KLHDC1: variants seen among roughly 807,000 people sequenced by gnomAD.
KLHDC1 encodes the protein kelch domain-containing protein 1.
KLHDC1 carries 53 observed loss-of-function variants against 68.3 expected under a neutral mutation model. That is an observed-to-expected ratio of 0.78 (90% CI 0.62 to 0.98). The LOEUF is 0.98. KLHDC1 is among the 50% of genes least tolerant of loss of function. The probability of loss-of-function intolerance (pLI) is 0.00; values close to 1 mark genes in which losing one functional copy is unlikely to be tolerated. For missense variants in KLHDC1, 470 were observed against 492.3 expected, an observed-to-expected ratio of 0.95 and a Z score of 0.43; for synonymous variants, 148 against 159.0, an observed-to-expected ratio of 0.93 and a Z score of 0.52.
chr14:49,746,410 A>G (rs1424576991), intron 12 of KLHDC1, among the ~76,000 whole-genome samples: 1 of 152,052 alleles, frequency 6.6e-6, no homozygotes, highest in African/African-American at 2.4e-5. Context: ...TTTGAGGGGG[A>G]GGGAGAAGAA....
chr14:49,707,297 T>A (rs72678100), intron 1 of KLHDC1, among the ~76,000 whole-genome samples: 90,798 of 120,900 alleles, frequency 0.75, 35,100 homozygotes, highest in South Asian at 0.86. Flanking sequence ...TGTGTGTGTG[T>A]GAGAGAGAGA....
chr14:49,750,237 G>C (rs544711842), intron 12 of KLHDC1, among the ~76,000 whole-genome samples: 15 of 152,080 alleles, frequency 9.9e-5, no homozygotes, highest in Admixed American at 9.8e-4. Flanking sequence ...TGCCCCACTC[G>C]CGCTCTGCCC....
At chr14:49,699,113 G>A (rs554825393) in intron 1 of KLHDC1, among the ~76,000 whole-genome samples, 3 of 145,892 alleles carry the variant, frequency 2.1e-5, no homozygotes, top group East Asian at 2.0e-4. Context: ...GCAGTGAACC[G>A]AGATCGTGCC....
Position 49,725,556 on chromosome 14 carries a change from G to A in KLHDC1, c.484-130G>A, listed in dbSNP as rs1336635834. On this transcript the variant is annotated intron_variant, in intron 5 of 12. Coordinates refer to ENST00000359332, the MANE Select transcript of KLHDC1 (RefSeq NM_172193.3). The stretch of plus-strand genomic sequence containing the variant: ...AGGTACCCGTGTATCCGTTGGCTTT[G>A]TGACTATGGTAACACTTAACTCTAT... 1.7e-5 allele frequency: 10 copies of A among 596,866 alleles called. No homozygotes were observed. The African/African-American group carries it at 1.9e-4, about 11-fold the overall frequency. The allele number at this position is 596,866 out of a possible 1,614,324, so 37.0% of individuals were successfully genotyped here.
chr14:49,701,833 A>G (rs1199847548), intron 1 of KLHDC1, among the ~76,000 whole-genome samples: 2 of 152,142 alleles, frequency 1.3e-5, no homozygotes, highest in Admixed American at 1.3e-4. Flanking sequence ...CTGGAGTTCA[A>G]GACCAGCCTG....
intron 10 of KLHDC1, among the ~76,000 whole-genome samples, chr14:49,737,341 A>G (rs1888951936): frequency 6.6e-6 from 1 of 152,212 alleles, no homozygotes; most frequent in Non-Finnish European, 1.5e-5. Context: ...TGCATTTGTC[A>G]TTGAATGTGT....
At chr14:49,705,842 A>C (rs975758181) in intron 1 of KLHDC1, among the ~76,000 whole-genome samples, 1 of 152,008 alleles carries the variant, frequency 6.6e-6, no homozygotes, top group Admixed American at 6.6e-5. Flanking sequence ...TGATTGAAAA[A>C]TTTTTTTAAT....
chr14:49,713,817 TATATATATATATATATATATATATATA>T lies in KLHDC1; in HGVS notation c.404+3437_404+3463del, dbSNP rs1888279102. On this transcript the variant is annotated intron_variant, in intron 4 of 12. Coordinates refer to ENST00000359332, the MANE Select transcript of KLHDC1 (RefSeq NM_172193.3). ...CAGGAGGTATATATATATATATATATATATATATATATATATATATATATATATATATATTTTTTTTTTTTTTTTTCC... is the reference window on the plus strand; with the variant it reads ...CAGGAGGTATATATATATATATATATTATATATTTTTTTTTTTTTTTTTCC... Among the ~76,000 whole-genome samples the T allele has an allele frequency of 3.6e-3, 10 of 2,752 alleles. 1 individual carries two copies. Among genetic ancestry groups the T allele is most frequent in the Non-Finnish European group, 4.6e-3 (2 of 434 alleles). 1.8% of individuals were successfully genotyped at this position (2,752 alleles called of 152,430 possible).
intron 12 of KLHDC1, among the ~76,000 whole-genome samples, chr14:49,744,094 G>A (rs1889133455): frequency 6.8e-6 from 1 of 147,800 alleles, no homozygotes; most frequent in Non-Finnish European, 1.5e-5. Flanking sequence ...GACCAGTGTG[G>A]GTAACATTGT....
chr14:49,724,598 A>T (rs2139753107), intron 5 of KLHDC1, among the ~76,000 whole-genome samples: 1 of 152,156 alleles, frequency 6.6e-6, no homozygotes, highest in African/African-American at 2.4e-5. Context: ...ATTGCTTTGT[A>T]TATGGGTATT....
At chr14:49,715,651 G>C (rs1467323975) in intron 4 of KLHDC1, among the ~76,000 whole-genome samples, 20 of 148,246 alleles carry the variant, frequency 1.3e-4, no homozygotes, top group African/African-American at 4.9e-4. Flanking sequence ...AGGCTGAGGC[G>C]GGAGAATTGC....
intron 5 of KLHDC1, among the ~76,000 whole-genome samples, chr14:49,725,019 GT>G (rs1482440856): frequency 6.6e-6 from 1 of 151,908 alleles, no homozygotes; most frequent in East Asian, 1.9e-4. Flanking sequence ...TAAGTAAATT[GT>G]TTAGCTTATT....
chr14:49,734,512 C>G (rs1240627258), intron 9 of KLHDC1, 77 bp from the exon 10 acceptor site: 1 of 769,396 alleles, frequency 1.3e-6, no homozygotes, highest in Non-Finnish European at 2.1e-6. Flanking sequence ...TTAAATGTAG[C>G]ATGATAAATT....
chr14:49,741,833 G>T (rs4614646), intron 11 of KLHDC1, among the ~76,000 whole-genome samples: 4 of 152,090 alleles, frequency 2.6e-5, no homozygotes, highest in Admixed American at 1.3e-4. Flanking sequence ...AATGATTGAT[G>T]TGGTTTTGTG....
chr14:49,695,173 C>G (rs1291659470), intron 1 of KLHDC1, among the ~76,000 whole-genome samples: 1 of 150,722 alleles, frequency 6.6e-6, no homozygotes, highest in Admixed American at 6.6e-5. Context: ...CTCCTGCAAC[C>G]TCTGCCTCCC....
In KLHDC1 at chr14:49,693,263, C is replaced by G. The variant is rs765477815; in HGVS notation, c.69C>G (p.Asn23Lys). ...RSGHCAVVDG[N>K]FLYVWGGYVS... Reference sequence around the variant, plus strand: ...GCCACTGCGCCGTGGTGGACGGAAACTTCCTCTACGTGTGGGGGGGCTACG... The same window carrying G: ...GCCACTGCGCCGTGGTGGACGGAAAGTTCCTCTACGTGTGGGGGGGCTACG... Residue 23 changes from asparagine (N) to lysine (K), a missense_variant, in exon 1 of 13, where the codon AAC (asparagine) becomes AAG (lysine). Physicochemically the swap from Asn to Lys is moderately conservative, Grantham distance 94. Transcript: ENST00000359332. 1 of 1,565,546 alleles carries G rather than the reference C, an allele frequency of 6.4e-7. No individual in the cohort carries two copies. Among genetic ancestry groups the G allele is most frequent in the South Asian group, 1.2e-5 (1 of 86,680 alleles).
At chr14:49,730,255 G>C (rs1164781138) in intron 8 of KLHDC1, among the ~76,000 whole-genome samples, 15 of 127,674 alleles carry the variant, frequency 1.2e-4, no homozygotes, top group African/African-American at 4.3e-4. Flanking sequence ...ACAGAGTCTT[G>C]CTCTGTCACC....
At chr14:49,737,762 G>A (rs965392442) in intron 10 of KLHDC1, among the ~76,000 whole-genome samples, 5 of 150,874 alleles carry the variant, frequency 3.3e-5, no homozygotes, top group Non-Finnish European at 7.4e-5. Context: ...CTACTCAGGA[G>A]GCTGAGGTGG....
At chr14:49,740,210 C>A in intron 11 of KLHDC1, 28 bp downstream of exon 11, 1 of 1,347,942 alleles carries the variant, frequency 7.4e-7, no homozygotes, top group South Asian at 1.2e-5. Context: ...CTAAATATTT[C>A]CTCTGAGTAG....
Sources: allele counts gnomAD v4.1 joint callset (sites outside exome capture counted in the v4.1 genomes callset), GRCh38; gene constraint gnomAD v4.1.1; transcripts MANE v1.5; gene names NCBI Gene and HGNC (gene_info 2026-07-23, HGNC 2026-07-21).